BTK: variants seen among roughly 807,000 people sequenced by gnomAD.
The protein encoded by BTK is tyrosine-protein kinase BTK.
In BTK, 5 loss-of-function variants were observed where a neutral mutation model predicts 57.4. The ratio of observed to expected loss-of-function variants is 0.09; its 90% confidence interval spans 0.05 to 0.18. The LOEUF is 0.18. Among genes scored for constraint, BTK ranks in the 10% least tolerant of loss-of-function variants. BTK has a pLI of 1.00. For missense variants in BTK, 194 were observed against 501.2 expected, an observed-to-expected ratio of 0.39 and a Z score of 5.85; for synonymous variants, 154 against 174.3, an observed-to-expected ratio of 0.88 and a Z score of 0.92.
chrX:101,366,781 G>A (rs1365733582), intron 5 of BTK, among the ~76,000 whole-genome samples: 2 of 111,953 alleles, frequency 1.8e-5, no homozygotes, highest in African/African-American at 6.5e-5. Flanking sequence ...GGAAGAGAAG[G>A]CAAAGATGTG....
At chrX:101,364,443 G>T (rs1477569284) in intron 5 of BTK, among the ~76,000 whole-genome samples, 1 of 106,022 alleles carries the variant, frequency 9.4e-6, no homozygotes, top group Non-Finnish European at 1.9e-5. Flanking sequence ...AAAAGAAAAA[G>T]AAACAACTCA....
chrX:101,367,590 C>T (rs1037119511), intron 5 of BTK, among the ~76,000 whole-genome samples: 1 of 109,409 alleles, frequency 9.1e-6, no homozygotes, highest in African/African-American at 3.3e-5. Context: ...GAGCCGAGAT[C>T]GTGCCATTGC....
At chrX:101,360,505 A>G in intron 8 of BTK, 63 bp downstream of exon 8, 2 of 1,124,744 alleles carry the variant, frequency 1.8e-6, no homozygotes, top group Admixed American at 4.4e-5. Context: ...ATTATGCCGC[A>G]GCACTTTTTG....
chrX:101,376,732 TG>T (rs201142168), intron 1 of BTK, among the ~76,000 whole-genome samples: 1,833 of 99,294 alleles, frequency 0.018, 33 homozygotes, highest in African/African-American at 0.062. Flanking sequence ...TTTCCTCTGG[TG>T]GGGGGGTGGG....
chrX:101,368,532 G>A (rs1162658902), intron 5 of BTK, among the ~76,000 whole-genome samples: 4 of 111,778 alleles, frequency 3.6e-5, no homozygotes, highest in Non-Finnish European at 5.6e-5. Flanking sequence ...ACATCTTTGA[G>A]CTTCAGTTTC....
intron 5 of BTK, among the ~76,000 whole-genome samples, chrX:101,366,751 T>A (rs1054586889): frequency 5.5e-5 from 6 of 109,837 alleles, no homozygotes; most frequent in East Asian, 2.9e-4. Flanking sequence ...GGAAAAAAAA[T>A]GCCTTTGGTG....
At chrX:101,375,067 T>G (rs1381021657) in intron 2 of BTK, 77 bp downstream of exon 2, 20 of 1,174,903 alleles carry the variant, frequency 1.7e-5, no homozygotes, top group Non-Finnish European at 2.3e-5. Flanking sequence ...CAACGAAAAT[T>G]TACCTCTTCC....
At chrX:101,370,205 C>A in intron 4 of BTK, 126 bp from the exon 5 acceptor site, 1 of 583,583 alleles carries the variant, frequency 1.7e-6, no homozygotes, top group South Asian at 2.4e-5. Flanking sequence ...GCAGAATCTT[C>A]AGTCAGCAAT....
rs368331876 is a variant in BTK at position 101,356,301 on chromosome X, T to C, written c.1350-33A>G. ...AAAGGCAAGGAACTAGTCTTCTCCT[T>C]TTGGCTCTGCATAATAGCAATAAAG... On this transcript the variant is annotated intron_variant, in intron 14 of 18. Transcript: ENST00000308731. 1.3e-5 allele frequency: 15 copies of C among 1,160,274 alleles called. No individual in the cohort carries two copies. The African/African-American group carries it at 2.7e-4, about 21-fold the overall frequency.
chrX:101,354,413 T>C (rs1647235451), intron 16 of BTK, among the ~76,000 whole-genome samples: 2 of 109,568 alleles, frequency 1.8e-5, no homozygotes, highest in Non-Finnish European at 3.8e-5. Context: ...GAGGTAGAGA[T>C]AAAGGGAGAA....
upstream of BTK, among the ~76,000 whole-genome samples, chrX:101,389,905 G>A (rs781900912): frequency 6.3e-5 from 7 of 111,666 alleles, no homozygotes; most frequent in African/African-American, 2.0e-4. Flanking sequence ...ATTAAAAGGG[G>A]TAGTATGTAA....
intron 5 of BTK, among the ~76,000 whole-genome samples, chrX:101,367,539 G>A (rs1413328113): frequency 1.8e-5 from 2 of 109,241 alleles, no homozygotes; most frequent in African/African-American, 3.3e-5. Context: ...GGGAGGCTGA[G>A]GTAGGAGAAT....
chrX:101,358,538 G>C, intron 11 of BTK, 79 bp downstream of exon 11: 1 of 1,175,276 alleles, frequency 8.5e-7, no homozygotes, highest in Non-Finnish European at 1.2e-6. Context: ...AGAGGAAGTG[G>C]GACGGGCACA....
upstream of BTK, among the ~76,000 whole-genome samples, chrX:101,388,177 G>T (rs1466248175): frequency 9.0e-6 from 1 of 111,656 alleles, no homozygotes; most frequent in Non-Finnish European, 1.9e-5. Context: ...CTTTTCTTCA[G>T]TCTTATGCCA....
At chrX:101,387,713 TACTC>T (rs1927661740), upstream of BTK, among the ~76,000 whole-genome samples, 1 of 110,755 alleles carries the variant, frequency 9.0e-6, no homozygotes, top group Non-Finnish European at 1.9e-5. Context: ...GAGTGGTTGA[TACTC>T]ACATTTGCAC....
At chrX:101,374,448 G>A (rs939719983) in intron 3 of BTK, 88 bp downstream of exon 3, 15 of 761,785 alleles carry the variant, frequency 2.0e-5, no homozygotes, top group Non-Finnish European at 2.5e-5. Context: ...ACGTTGCACA[G>A]CATCACCAGT....
intron 1 of BTK, among the ~76,000 whole-genome samples, chrX:101,382,151 T>C (rs1468285863): frequency 9.1e-6 from 1 of 110,367 alleles, no homozygotes; most frequent in Non-Finnish European, 1.9e-5. Flanking sequence ...AATTATTTTA[T>C]GATAAGCTTC....
intron 1 of BTK, among the ~76,000 whole-genome samples, chrX:101,376,705 A>C: frequency 9.2e-6 from 1 of 108,886 alleles, no homozygotes; most frequent in Non-Finnish European, 1.9e-5. Context: ...ATTCAAGTTT[A>C]ATTAGTGGTA....
intron 5 of BTK, among the ~76,000 whole-genome samples, chrX:101,365,042 C>T (rs782296284): frequency 7.6e-4 from 85 of 111,885 alleles, no homozygotes; most frequent in Non-Finnish European, 7.5e-4. Context: ...CCACGCCCAG[C>T]CCCTAGAGGG....
Sources: gnomAD v4.1 joint callset for allele counts (sites outside exome capture counted in the v4.1 genomes callset) on GRCh38, gnomAD v4.1.1 for gene constraint, MANE v1.5 for transcripts, NCBI Gene and HGNC (gene_info 2026-07-23, HGNC 2026-07-21) for gene names.